The following RPIA variants were observed in gnomAD, a reference collection of about 807,000 sequenced individuals.
RPIA encodes the protein ribose 5-phosphate isomerase A.
A neutral mutation model predicts 37.8 loss-of-function variants in RPIA; 29 were observed. The observed-to-expected ratio is 0.77, with a 90% confidence interval of 0.57 to 1.05. RPIA has a LOEUF of 1.05. Ranked by LOEUF, RPIA falls within the 50% of genes least tolerant of loss-of-function variation. RPIA has a pLI of 0.00. For missense variants in RPIA, 385 were observed against 413.6 expected, an observed-to-expected ratio of 0.93 and a Z score of 0.60; for synonymous variants, 167 against 157.0, an observed-to-expected ratio of 1.06 and a Z score of -0.48.
chr2:88,697,990 G>A (rs1347721504), intron 1 of RPIA, among the ~76,000 whole-genome samples: 3 of 152,040 alleles, frequency 2.0e-5, no homozygotes, highest in African/African-American at 7.2e-5. Flanking sequence ...CAGGCTCCAG[G>A]CTCTATTGTT....
chr2:88,719,532 T>G (rs2104107845), intron 3 of RPIA, among the ~76,000 whole-genome samples: 1 of 152,284 alleles, frequency 6.6e-6, no homozygotes, highest in Non-Finnish European at 1.5e-5. Flanking sequence ...TTGGAAATAT[T>G]GTCAAATATC....
At chr2:88,713,223 G>T (rs1217097988) in intron 3 of RPIA, among the ~76,000 whole-genome samples, 8 of 128,538 alleles carry the variant, frequency 6.2e-5, no homozygotes, top group African/African-American at 1.8e-4. Flanking sequence ...GTGCAGTGGT[G>T]CAATCTCAGT....
intron 1 of RPIA, among the ~76,000 whole-genome samples, chr2:88,694,211 T>G (rs1174956738): frequency 5.9e-5 from 9 of 152,256 alleles, no homozygotes; most frequent in Non-Finnish European, 1.2e-4. Flanking sequence ...TCTGGTTGGC[T>G]TTGGCAAGGG....
At chr2:88,700,290 C>T (rs1028289223) in intron 3 of RPIA, among the ~76,000 whole-genome samples, 20 of 152,110 alleles carry the variant, frequency 1.3e-4, no homozygotes, top group African/African-American at 3.9e-4. Flanking sequence ...TTAGGCACTA[C>T]GGAGAATGCA....
At chr2:88,737,423 CA>C (rs1673328173) in intron 7 of RPIA, among the ~76,000 whole-genome samples, 1 of 152,238 alleles carries the variant, frequency 6.6e-6, no homozygotes, top group East Asian at 1.9e-4. Context: ...AGTGGTTGTA[CA>C]GTGCTCTGAC....
intron 1 of RPIA, among the ~76,000 whole-genome samples, chr2:88,698,116 G>A (rs1205054401): frequency 1.4e-5 from 2 of 146,528 alleles, no homozygotes; most frequent in Admixed American, 6.8e-5. Context: ...CACTGTTGCT[G>A]GCTTGAAATG....
chr2:88,719,744 TAAAC>T (rs1446277536), intron 3 of RPIA, among the ~76,000 whole-genome samples: 1 of 152,182 alleles, frequency 6.6e-6, no homozygotes, highest in Non-Finnish European at 1.5e-5. Context: ...CCAAAATGTA[TAAAC>T]AATTTATAAA....
intron 1 of RPIA, among the ~76,000 whole-genome samples, 192 bp from the exon 2 acceptor site, chr2:88,698,292 C>T (rs549644029): frequency 6.6e-6 from 1 of 152,156 alleles, no homozygotes; most frequent in Non-Finnish European, 1.5e-5. Context: ...AACATTTGTC[C>T]ACCATGGATT....
rs1274113245 is a variant in RPIA, at chr2:88,737,936, T to C, written c.739-41T>C. On this transcript the variant is annotated intron_variant, in intron 7 of 8. Coordinates refer to ENST00000283646, the MANE Select transcript of RPIA (RefSeq NM_144563.3). ...ACTTTCCTGTCCTTCTCTGCCTACC[T>C]GTATCTGCATCCTTGGTCACTGTGG... 2.1e-6 allele frequency: 3 copies of C among 1,457,716 alleles called. No individual in the cohort carries two copies. In the Admixed American group the frequency reaches 5.0e-5, roughly 24 times the overall value. 90.3% of individuals were successfully genotyped at this position (1,457,716 alleles called of 1,614,324 possible).
chr2:88,741,016 G>A (rs1438250571), intron 8 of RPIA, among the ~76,000 whole-genome samples: 4 of 151,800 alleles, frequency 2.6e-5, no homozygotes, highest in South Asian at 2.1e-4. Flanking sequence ...TCACTACTCC[G>A]TTTCATTTGT....
intron 3 of RPIA, among the ~76,000 whole-genome samples, chr2:88,713,588 C>A (rs1051971173): frequency 1.3e-5 from 2 of 152,194 alleles, no homozygotes; most frequent in African/African-American, 4.8e-5. Context: ...TGGTATGGAT[C>A]TATTTTCGTC....
At chr2:88,745,384 A>T (rs1673428012) in intron 8 of RPIA, among the ~76,000 whole-genome samples, 1 of 152,192 alleles carries the variant, frequency 6.6e-6, no homozygotes, top group Non-Finnish European at 1.5e-5. Flanking sequence ...TGTGAAATTT[A>T]TGCTTTAAGG....
chr2:88,696,477 T>C (rs1233816977), intron 1 of RPIA, among the ~76,000 whole-genome samples: 2 of 151,134 alleles, frequency 1.3e-5, no homozygotes, highest in East Asian at 3.9e-4. Context: ...CCCAGGAGTT[T>C]GAAGATGAGT....
chr2:88,700,774 G>A (rs939774554), intron 3 of RPIA, among the ~76,000 whole-genome samples: 2 of 152,230 alleles, frequency 1.3e-5, no homozygotes, highest in Non-Finnish European at 2.9e-5. Flanking sequence ...GGAGAGATAA[G>A]GGAAGAGAGG....
At chr2:88,706,639 C>G (rs1672901461) in intron 3 of RPIA, among the ~76,000 whole-genome samples, 1 of 151,430 alleles carries the variant, frequency 6.6e-6, no homozygotes, top group Admixed American at 6.6e-5. Context: ...ATAGATGCAG[C>G]AAACCACCAT....
At chr2:88,712,118 G>A (rs144857765) in intron 3 of RPIA, among the ~76,000 whole-genome samples, 1 of 152,326 alleles carries the variant, frequency 6.6e-6, no homozygotes, top group African/African-American at 2.4e-5. Context: ...TCTTTGGAAT[G>A]CACCTGGCTG....
intron 3 of RPIA, among the ~76,000 whole-genome samples, chr2:88,711,155 A>G (rs551870461): frequency 2.0e-5 from 3 of 152,358 alleles, no homozygotes; most frequent in African/African-American, 4.8e-5. Flanking sequence ...CATCCTTTAT[A>G]TTTGGAGCAA....
chr2:88,700,108 T>A, intron 3 of RPIA, 44 bp downstream of exon 3: 1 of 1,585,950 alleles, frequency 6.3e-7, no homozygotes, highest in Non-Finnish European at 8.7e-7. Context: ...TTCTGCTGTA[T>A]CTTCTGGTTC....
chr2:88,743,002 T>G (rs558519880), intron 8 of RPIA, among the ~76,000 whole-genome samples: 1 of 152,296 alleles, frequency 6.6e-6, no homozygotes, highest in East Asian at 1.9e-4. Flanking sequence ...AGCAACCGTT[T>G]GACTTCCTCT....
Sources: allele counts gnomAD v4.1 joint callset (sites outside exome capture counted in the v4.1 genomes callset), GRCh38; gene constraint gnomAD v4.1.1; transcripts MANE v1.5; gene names NCBI Gene and HGNC (gene_info 2026-07-23, HGNC 2026-07-21).